The following IFT88 variants were observed in gnomAD, a reference collection of about 807,000 sequenced individuals.
The protein encoded by IFT88 is intraflagellar transport 88, also known as intraflagellar transport protein 88 homolog.
Under a neutral mutation model 119.5 loss-of-function variants are expected in IFT88, and 74 were observed. The ratio of observed to expected loss-of-function variants is 0.62; its 90% confidence interval spans 0.51 to 0.75. IFT88 has a LOEUF of 0.75. Among genes scored for constraint, IFT88 ranks in the 30% least tolerant of loss-of-function variants. The probability of loss-of-function intolerance (pLI) is 0.00; values close to 1 mark genes in which losing one functional copy is unlikely to be tolerated. For synonymous variants in IFT88, 279 were observed against 316.7 expected (o/e 0.88, Z 1.26); for missense variants, 961 against 977.7 (o/e 0.98, Z 0.23).
At chr13:20,568,902 A>G (rs950546181) in intron 1 of IFT88, among the ~76,000 whole-genome samples, 1 of 151,880 alleles carries the variant, frequency 6.6e-6, no homozygotes, top group Non-Finnish European at 1.5e-5. Context: ...TTGTATTTTT[A>G]GTAGAGACGG....
At chr13:20,587,584 C>T (rs1009000145) in intron 3 of IFT88, among the ~76,000 whole-genome samples, 1 of 152,022 alleles carries the variant, frequency 6.6e-6, no homozygotes, top group African/African-American at 2.4e-5. Context: ...AATGAGAAAG[C>T]GTGATCAATT....
intron 22 of IFT88, among the ~76,000 whole-genome samples, chr13:20,660,619 A>C (rs2053632258): frequency 1.3e-5 from 2 of 152,168 alleles, no homozygotes; most frequent in South Asian, 4.1e-4. Context: ...GGCAGGATGG[A>C]TTCTGAATAT....
rs138158255 is a variant in IFT88 at position 20,650,274 on chromosome 13, A to G, written c.1950-3602A>G. Among the ~76,000 whole-genome samples, 133 of 152,304 alleles carry G rather than the reference A, an allele frequency of 8.7e-4. 1 individual carries two copies. The highest frequency in any genetic ancestry group is 1.4e-3 in the Non-Finnish European group (98 of 67,988). ...AGCCACATATTAAAAGAAGTACATC[A>G]TTCGCAAGTGGTATTTACTCCTAGA... On this transcript the variant is annotated intron_variant, in intron 20 of 25. Coordinates refer to ENST00000351808, the MANE Select transcript of IFT88 (RefSeq NM_006531.5).
At chr13:20,657,113 C>T (rs1481897327) in intron 22 of IFT88, among the ~76,000 whole-genome samples, 1 of 152,206 alleles carries the variant, frequency 6.6e-6, no homozygotes, top group Non-Finnish European at 1.5e-5. Flanking sequence ...ACCTTGGCTT[C>T]CCAAAGTGCT....
At chr13:20,592,240 T>C in intron 6 of IFT88, 95 bp from the exon 7 acceptor site, 1 of 847,502 alleles carries the variant, frequency 1.2e-6, no homozygotes, top group Non-Finnish European at 1.9e-6. Context: ...AATAAAGAGG[T>C]AAATGAAATA....
intron 7 of IFT88, 56 bp from the exon 8 acceptor site, chr13:20,596,094 G>A (rs2041595920): frequency 7.3e-6 from 3 of 408,602 alleles, no homozygotes; most frequent in Non-Finnish European, 1.3e-5. Context: ...ATAAATTTTA[G>A]TATAGATTTT....
intron 15 of IFT88, among the ~76,000 whole-genome samples, chr13:20,627,662 C>T (rs2047546344): frequency 7.4e-6 from 1 of 134,520 alleles, no homozygotes; most frequent in Non-Finnish European, 1.5e-5. Flanking sequence ...ACCCAGGAGG[C>T]AGAAGTTGCA....
chr13:20,615,528 C>T (rs1001771250), intron 13 of IFT88, among the ~76,000 whole-genome samples: 3 of 152,140 alleles, frequency 2.0e-5, no homozygotes, highest in Admixed American at 2.0e-4. Flanking sequence ...AGTATCTCTT[C>T]AGTTTGTCAG....
chr13:20,568,514 T>G (rs2035448737), intron 1 of IFT88, among the ~76,000 whole-genome samples: 1 of 152,206 alleles, frequency 6.6e-6, no homozygotes. Flanking sequence ...AAAAGTTGCT[T>G]CCTTCTATAA....
intron 1 of IFT88, chr13:20,568,140 A>G (rs1003242308): frequency 2.7e-5 from 16 of 583,192 alleles, no homozygotes; most frequent in Admixed American, 1.3e-4. Context: ...TAGACTGTCC[A>G]TAGTCAGTAG....
Position 20,655,156 on chromosome 13 carries a change from G to A in IFT88, c.2003-1209G>A, listed in dbSNP as rs527262221. Among the ~76,000 whole-genome samples, 169 of 152,180 alleles carry A rather than the reference G, an allele frequency of 1.1e-3. 1 individual carries two copies. Among genetic ancestry groups the A allele is most frequent in the African/African-American group, 3.9e-3 (163 of 41,538 alleles). On this transcript the variant is annotated intron_variant, in intron 21 of 25. Coordinates refer to ENST00000351808, the MANE Select transcript of IFT88 (RefSeq NM_006531.5). ...TAATGTTTAAAAAACTGTAAAGGCC[G>A]GACACAGTGGCTCACGCCTGTAATT...
chr13:20,680,093 C>T (rs1334296769), intron 24 of IFT88, among the ~76,000 whole-genome samples: 1 of 152,176 alleles, frequency 6.6e-6, no homozygotes, highest in Admixed American at 6.5e-5. Flanking sequence ...TTTTGCTGAC[C>T]ATGTCCAATC....
intron 13 of IFT88, among the ~76,000 whole-genome samples, chr13:20,608,302 C>T (rs1466539648): frequency 1.3e-5 from 2 of 152,190 alleles, no homozygotes; most frequent in African/African-American, 4.8e-5. Context: ...TTCCTGGCGC[C>T]CCATGAGCCA....
chr13:20,643,346 A>G, intron 18 of IFT88, 109 bp from the exon 19 acceptor site: 1 of 807,070 alleles, frequency 1.2e-6, no homozygotes, highest in Admixed American at 2.7e-5. Context: ...ACAGTATACA[A>G]TAGCACATTA....
At chr13:20,610,580 G>GAA (rs202084557) in intron 13 of IFT88, among the ~76,000 whole-genome samples, 3 of 135,982 alleles carry the variant, frequency 2.2e-5, no homozygotes, top group East Asian at 2.1e-4. Flanking sequence ...GATGTTACTG[G>GAA]AAAAAAAAAA....
chr13:20,592,379 C>T lies in IFT88; in HGVS notation c.373C>T (p.Pro125Ser), dbSNP rs1360211182. The change falls in exon 7 of 26, where the codon CCT becomes TCT. Residue 125 changes from proline (P) to serine (S), a missense_variant. Physicochemically the swap from Pro to Ser is moderately conservative, Grantham distance 74. Transcript: ENST00000351808. The stretch of plus-strand genomic sequence containing the variant: ...TAGTCAGTCAAGGGGCCCTGCTTCC[C>T]CTTTGGAAGCCAAGAAAAAAGATAG... ...PLSQSRGPAS[P>S]LEAKKKDSPE... The T allele has an allele frequency of 6.2e-7, 1 of 1,610,450 alleles. No individual in the cohort carries two copies. The highest frequency in any genetic ancestry group is 1.7e-5 in the Admixed American group (1 of 59,256).
rs1314914688 is a variant in IFT88 at position 20,567,934 on chromosome 13, C to A, written c.-7+678C>A. 4.4e-6 allele frequency: 3 copies of A among 687,448 alleles called. No homozygotes were observed. In the South Asian group the frequency reaches 4.6e-5, roughly 11 times the overall value. The allele number at this position is 687,448 out of a possible 1,614,324, so 42.6% of individuals were successfully genotyped here. The stretch of plus-strand genomic sequence containing the variant: ...TAGACCAAGGGTGTCCAATCTTTGG[C>A]TTCCCTGGGCCACATCGGAAGAAGA... On this transcript the variant is annotated intron_variant, in intron 1 of 25. Coordinates refer to ENST00000351808, the MANE Select transcript of IFT88 (RefSeq NM_006531.5).
chr13:20,655,304 C>T (rs915751054), intron 21 of IFT88, among the ~76,000 whole-genome samples: 1 of 151,742 alleles, frequency 6.6e-6, no homozygotes, highest in Non-Finnish European at 1.5e-5. Context: ...TGGTGGTGCA[C>T]GCCTGTAGTC....
chr13:20,674,860 C>A (rs1433841185), intron 24 of IFT88, among the ~76,000 whole-genome samples: 1 of 150,446 alleles, frequency 6.6e-6, no homozygotes, highest in African/African-American at 2.4e-5. Flanking sequence ...ACTACAGGCA[C>A]CCACCACCAC....
Sources: allele counts gnomAD v4.1 joint callset (sites outside exome capture counted in the v4.1 genomes callset), GRCh38; gene constraint gnomAD v4.1.1; transcripts MANE v1.5; gene names NCBI Gene and HGNC (gene_info 2026-07-23, HGNC 2026-07-21).